Variants in APLP2 observed in about 807,000 individuals in gnomAD.
APLP2 encodes the protein CDEI box-binding protein.
APLP2 carries 53 observed loss-of-function variants against 89.9 expected under a neutral mutation model. The observed-to-expected ratio is 0.59, with a 90% CI of 0.47 to 0.74. The LOEUF (loss-of-function observed/expected upper bound fraction) is 0.74, where lower values mean the gene tolerates loss of function less well. APLP2 is among the 30% of genes least tolerant of loss of function. The pLI is 0.00. For missense variants in APLP2, 973 were observed against 975.9 expected (o/e 1.00, Z 0.04); for synonymous variants, 372 against 348.6 (o/e 1.07, Z -0.75).
intron 7 of APLP2, among the ~76,000 whole-genome samples, chr11:130,124,300 C>G (rs150611485): frequency 6.6e-6 from 1 of 152,296 alleles, no homozygotes; most frequent in Non-Finnish European, 1.5e-5. Context: ...ATAATGCACT[C>G]TAGAGAGAGC....
chr11:130,086,468 TTG>T (rs2135473011), intron 1 of APLP2, among the ~76,000 whole-genome samples: 1 of 152,378 alleles, frequency 6.6e-6, no homozygotes, highest in African/African-American at 2.4e-5. Flanking sequence ...ATTCTGCAGT[TTG>T]TGTTTTCACT....
intron 1 of APLP2, among the ~76,000 whole-genome samples, chr11:130,102,507 C>G (rs1947082483): frequency 6.6e-6 from 1 of 152,200 alleles, no homozygotes. Flanking sequence ...AAGATGCTCC[C>G]TCTATGGCAG....
chr11:130,141,350 G>C lies in APLP2; in HGVS notation c.1924-148G>C. On this transcript the variant is annotated intron_variant, in intron 14 of 16. Coordinates refer to ENST00000338167, the MANE Select transcript of APLP2 (RefSeq NM_001142276.2). The surrounding 1 kb of genome is among the most constrained non-coding windows in gnomAD (Gnocchi z 4.2). ...AGGGGTTTGGGGAGTGGATTTGGAA[G>C]GCTGTGACAGAACTGGTTGGTTAAT... The C allele has an allele frequency of 3.1e-6, 2 of 647,072 alleles. No homozygotes were observed. The highest frequency in any genetic ancestry group is 1.8e-5 in the South Asian group (1 of 54,060). 40.1% of individuals were successfully genotyped at this position (647,072 alleles called of 1,614,324 possible).
Position 130,127,828 on chromosome 11 carries a change from G to A in APLP2, c.1284G>A (p.Gln428=). Reference sequence around the variant, plus strand: ...AGAACCTCCCCAAAGCAGAGAGGCAGACTCTGATTCAGGTAAGATGCCTTC... The same window carrying A: ...AGAACCTCCCCAAAGCAGAGAGGCAAACTCTGATTCAGGTAAGATGCCTTC... ...QAKNLPKAER[Q]TLIQHFQAMV... Residue 428 remains glutamine, a synonymous_variant, in exon 9 of 17, where the codon CAG becomes CAA. Transcript: ENST00000338167. 6.2e-7 allele frequency: 1 copy of A among 1,614,034 alleles called. No homozygotes were observed. The highest frequency in any genetic ancestry group is 1.1e-5 in the South Asian group (1 of 91,062).
Position 130,077,498 on chromosome 11 carries a change from C to T in APLP2, c.105+7416C>T, listed in dbSNP as rs143869880. ...GTGAACTATTAGAGCTTTTATTTTA[C>T]TCTCTTTAATTATGAGCATTCCCCA... On this transcript the variant is annotated intron_variant, in intron 1 of 16. Transcript: ENST00000338167. Among the ~76,000 whole-genome samples the T allele has an allele frequency of 3.7e-3, 561 of 152,162 alleles. 8 individuals are homozygous for T. The highest frequency in any genetic ancestry group is 0.012 in the African/African-American group (517 of 41,520).
chr11:130,112,471 G>A (rs1202130695), intron 3 of APLP2, among the ~76,000 whole-genome samples: 1 of 152,134 alleles, frequency 6.6e-6, no homozygotes, highest in African/African-American at 2.4e-5. Flanking sequence ...TGGGTCTAAG[G>A]TGACAGGACA....
intron 1 of APLP2, among the ~76,000 whole-genome samples, chr11:130,091,212 A>G (rs71352178): frequency 1.2e-4 from 9 of 73,798 alleles, no homozygotes; most frequent in African/African-American, 1.8e-4. Context: ...CTGGCCGGGC[A>G]GGGGGGCTGA....
chr11:130,070,784 G>A, intron 1 of APLP2: 2 of 1,355,124 alleles, frequency 1.5e-6, no homozygotes, highest in Non-Finnish European at 1.9e-6. Flanking sequence ...TCAGTGAGTA[G>A]GGAAGGTGCC....
intron 1 of APLP2, among the ~76,000 whole-genome samples, chr11:130,079,142 A>C (rs146380563): frequency 0.029 from 4,469 of 152,042 alleles, 88 homozygotes; most frequent in Middle Eastern, 0.082. Flanking sequence ...TCTGTCACCC[A>C]GGCTGGAGTG....
chr11:130,131,491 C>T (rs1250287180), intron 11 of APLP2, among the ~76,000 whole-genome samples: 3 of 152,070 alleles, frequency 2.0e-5, no homozygotes, highest in Non-Finnish European at 4.4e-5. Flanking sequence ...GTGGGAAGAA[C>T]GTGGAAAGGG....
intron 12 of APLP2, 74 bp from the exon 13 acceptor site, chr11:130,135,489 C>G (rs1373033554): frequency 1.3e-6 from 2 of 1,532,946 alleles, no homozygotes; most frequent in African/African-American, 1.4e-5. Flanking sequence ...GGTCTTGGAG[C>G]TCTAGAGCAT....
chr11:130,131,938 G>A (rs1166500804), intron 11 of APLP2, among the ~76,000 whole-genome samples: 1 of 152,136 alleles, frequency 6.6e-6, no homozygotes, highest in East Asian at 1.9e-4. Flanking sequence ...CTTCTGCCTT[G>A]TTCCCTATTC....
chr11:130,131,235 A>C (rs143047937), intron 11 of APLP2, among the ~76,000 whole-genome samples: 116 of 152,272 alleles, frequency 7.6e-4, no homozygotes, highest in Non-Finnish European at 1.1e-3. Context: ...AGTAGCTGGG[A>C]TTACAGGTGC....
rs557699633 is a variant in APLP2, at chr11:130,123,538, G to T, written c.923-74G>T. ...CCTCCCCCAGCCCATCCCCCAGCTCGCCAGCCTGTAGCATTTTGAAGCATT... is the reference window on the plus strand; with the variant it reads ...CCTCCCCCAGCCCATCCCCCAGCTCTCCAGCCTGTAGCATTTTGAAGCATT... On this transcript the variant is annotated intron_variant, in intron 6 of 16. Transcript: ENST00000338167. This position sits in a 1 kb window ranked among gnomAD's most constrained non-coding sequence, Gnocchi z 4.0. 83 of 1,492,286 alleles carry T rather than the reference G, an allele frequency of 5.6e-5. No homozygotes were observed. The African/African-American group carries it at 1.1e-3, about 20-fold the overall frequency. The allele number at this position is 1,492,286 out of a possible 1,614,324, so 92.4% of individuals were successfully genotyped here. A position where few individuals can be genotyped will look rare whatever the true frequency, so the allele number is the denominator to read the frequency against.
rs759211386 is a variant in APLP2, at chr11:130,129,193, C to T, written c.1442C>T (p.Ser481Phe). The T allele has an allele frequency of 6.2e-7, 1 of 1,611,734 alleles. No individual in the cohort carries two copies. Among genetic ancestry groups the T allele is most frequent in the East Asian group, 2.2e-5 (1 of 44,884 alleles). The change falls in exon 10 of 17, where the codon TCT becomes TTT. Residue 481 changes from serine (S) to phenylalanine (F), a missense_variant. Physicochemically the swap from Ser to Phe is radical, Grantham distance 155. Coordinates refer to ENST00000338167, the MANE Select transcript of APLP2 (RefSeq NM_001142276.2). ...GAGAACTACCTGGCTGCCTTGCAGT[C>T]TGACCCGCCACGGGTGAGTCCTGCC... ...ALENYLAALQ[S>F]DPPRPHRILQ...
At chr11:130,116,229 T>TA (rs1949138546) in intron 3 of APLP2, among the ~76,000 whole-genome samples, 2 of 152,124 alleles carry the variant, frequency 1.3e-5, no homozygotes, top group East Asian at 3.9e-4. Flanking sequence ...GGGTTAGAGA[T>TA]ACGCAGTGGG....
In APLP2 at chr11:130,122,418, A is replaced by G. The variant is rs776725867; in HGVS notation, c.827A>G (p.Asp276Gly). 1.2e-6 allele frequency: 2 copies of G among 1,614,166 alleles called. No individual in the cohort carries two copies. The highest frequency in any genetic ancestry group is 1.1e-5 in the South Asian group (1 of 91,084). Residue 276 changes from aspartate (D) to glycine (G), a missense_variant, in exon 6 of 17, where the codon GAC (aspartate) becomes GGC (glycine). Asp to Gly is a moderately conservative substitution (Grantham distance 94, BLOSUM62 -1). Transcript: ENST00000338167. ...EVVEDRDYYY[D>G]TFKGDDYNEE... The stretch of plus-strand genomic sequence containing the variant: ...GTGGAGGACCGAGATTACTACTATG[A>G]CACCTTCAAAGGAGATGACTACAAT...
intron 3 of APLP2, among the ~76,000 whole-genome samples, chr11:130,116,298 G>A (rs1182024658): frequency 6.6e-6 from 1 of 152,110 alleles, no homozygotes; most frequent in African/African-American, 2.4e-5. Context: ...ATGGAAAAAT[G>A]TCCATGTTAA....
chr11:130,101,891 C>T lies in APLP2; in HGVS notation c.106-7538C>T, dbSNP rs887643522. 14 of 451,938 alleles carry T rather than the reference C, an allele frequency of 3.1e-5. No individual in the cohort carries two copies. In the Admixed American group the frequency reaches 3.1e-4, roughly 10 times the overall value. The allele number at this position is 451,938 out of a possible 1,614,324, so 28.0% of individuals were successfully genotyped here. On this transcript the variant is annotated intron_variant, in intron 1 of 16. Transcript: ENST00000338167. ...TTCCTGTTCCGGGATCCTGTCCAGG[C>T]GCCTGCATTGCATTTACTTGTCATT...
Sources: gnomAD v4.1 joint callset for allele counts (sites outside exome capture counted in the v4.1 genomes callset) on GRCh38, gnomAD v4.1.1 for gene constraint, Gnocchi (gnomAD v3.1) non-coding constraint, MANE v1.5 for transcripts, NCBI Gene and HGNC (gene_info 2026-07-23, HGNC 2026-07-21) for gene names.